The following FGFR2 variants were observed in gnomAD, a reference collection of about 807,000 sequenced individuals.
The protein encoded by FGFR2 is fibroblast growth factor receptor 2, also known as BEK fibroblast growth factor receptor.
FGFR2 carries 19 observed loss-of-function variants against 95.9 expected under a neutral mutation model. The observed-to-expected ratio is 0.20, with a 90% confidence interval of 0.14 to 0.29. The LOEUF (loss-of-function observed/expected upper bound fraction) is 0.29, where lower values mean the gene tolerates loss of function less well. FGFR2 is among the 10% of genes least tolerant of loss of function. The pLI, the probability that FGFR2 is intolerant of heterozygous loss-of-function variation, is 1.00. For missense variants in FGFR2, 707 were observed against 1,056.9 expected, an observed-to-expected ratio of 0.67 and a Z score of 4.59; for synonymous variants, 392 against 393.3, an observed-to-expected ratio of 1.00 and a Z score of 0.04.
intron 15 of FGFR2, 35 bp downstream of exon 15, chr10:121,487,319 C>A (rs774876265): frequency 1.3e-6 from 2 of 1,558,992 alleles, no homozygotes; most frequent in African/African-American, 1.4e-5. Flanking sequence ...GCAGCTCAAG[C>A]CCAGGAAAAA....
At chr10:121,549,170 T>C (rs1025086136) in intron 5 of FGFR2, among the ~76,000 whole-genome samples, 6 of 152,216 alleles carry the variant, frequency 3.9e-5, no homozygotes, top group African/African-American at 1.4e-4. Context: ...TTTTGGCCTC[T>C]AGATGTTAAT....
rs1845354546 is a variant in FGFR2, at chr10:121,485,960, C to G, written c.2058-428G>C. 6.6e-6 allele frequency among the ~76,000 whole-genome samples: 1 copy of G among 152,220 alleles called. No homozygotes were observed. Among genetic ancestry groups the G allele is most frequent in the Admixed American group, 6.5e-5 (1 of 15,286 alleles). ...GCAGGATCACAGCTGCCCTGTGTGGCTGGCGGAACATCTGCTGCACAGAGG... is the reference window on the plus strand; with the variant it reads ...GCAGGATCACAGCTGCCCTGTGTGGGTGGCGGAACATCTGCTGCACAGAGG... On this transcript the variant is annotated intron_variant, in intron 15 of 17. Transcript: ENST00000358487. The surrounding 1 kb of genome is among the most constrained non-coding windows in gnomAD (Gnocchi z 4.2).
rs189053464 is a variant in FGFR2 at position 121,486,239 on chromosome 10, G to A, written c.2058-707C>T. Among the ~76,000 whole-genome samples the A allele has an allele frequency of 1.3e-3, 191 of 152,240 alleles. 2 individuals carry two copies. The highest frequency in any genetic ancestry group is 3.9e-3 in the East Asian group (20 of 5,174). On this transcript the variant is annotated intron_variant, in intron 15 of 17. Coordinates refer to ENST00000358487, the MANE Select transcript of FGFR2 (RefSeq NM_000141.5). ...TCTGGAAACTCAACCTTCTGTACTC[G>A]ATGGTGGTGTTTCACTCCGCAGTTT...
chr10:121,553,656 T>C (rs1453760362), intron 4 of FGFR2, among the ~76,000 whole-genome samples: 2 of 152,220 alleles, frequency 1.3e-5, no homozygotes, highest in African/African-American at 4.8e-5. Context: ...AATAGCCTAT[T>C]CATATGAATT....
At chr10:121,570,362 A>C (rs1490253498) in intron 2 of FGFR2, among the ~76,000 whole-genome samples, 2 of 152,220 alleles carry the variant, frequency 1.3e-5, no homozygotes, top group Non-Finnish European at 2.9e-5. Flanking sequence ...GAGCCAGGAC[A>C]ATCAGAGAAT....
In FGFR2 at chr10:121,485,347, G is replaced by C. The variant is rs370228138; in HGVS notation, c.2195+48C>G. ...AGATACATCAGGAGAGGTATTACTG[G>C]TGTGGCAAGTCCACTGGGGCACCGG... On this transcript the variant is annotated intron_variant, in intron 16 of 17. Transcript: ENST00000358487. The surrounding 1 kb of genome is among the most constrained non-coding windows in gnomAD (Gnocchi z 4.2). The C allele has an allele frequency of 1.2e-6, 2 of 1,612,966 alleles. No individual in the cohort carries two copies. The highest frequency in any genetic ancestry group is 8.5e-7 in the Non-Finnish European group (1 of 1,179,336).
At chr10:121,533,170 C>T (rs1852329052) in intron 6 of FGFR2, among the ~76,000 whole-genome samples, 1 of 152,220 alleles carries the variant, frequency 6.6e-6, no homozygotes, top group African/African-American at 2.4e-5. Flanking sequence ...GGGCGGATCA[C>T]TCCAGGCCAG....
In FGFR2 at chr10:121,531,297, T is replaced by C. The variant is rs1316292454; in HGVS notation, c.748+7295A>G. ...CCCAAAGGCTTCTTGCTGGGGTCAG[T>C]TCTGCGGGAGAGTCTGTATTTGCCA... On this transcript the variant is annotated intron_variant, in intron 6 of 17. Transcript: ENST00000358487. The surrounding 1 kb of genome is among the most constrained non-coding windows in gnomAD (Gnocchi z 4.5). The C allele has an allele frequency of 6.6e-6, 1 of 152,174 alleles. No homozygotes were observed. The highest frequency in any genetic ancestry group is 1.5e-5 in the Non-Finnish European group (1 of 68,034). The allele number at this position is 152,174 out of a possible 1,614,324, so 9.4% of individuals were successfully genotyped here.
At chr10:121,529,496 T>C (rs1391014969) in intron 6 of FGFR2, among the ~76,000 whole-genome samples, 1 of 152,236 alleles carries the variant, frequency 6.6e-6, no homozygotes, top group Non-Finnish European at 1.5e-5. Context: ...AAAGTTCCTT[T>C]TTCTAATAGA....
chr10:121,510,096 G>A (rs1338841041), intron 9 of FGFR2, among the ~76,000 whole-genome samples: 1 of 152,172 alleles, frequency 6.6e-6, no homozygotes, highest in Non-Finnish European at 1.5e-5. Context: ...GGGTGCCTGA[G>A]ATAAACCTTC....
At chr10:121,498,372 A>G (rs1465814421) in intron 12 of FGFR2, 123 bp downstream of exon 12, 5 of 735,194 alleles carry the variant, frequency 6.8e-6, no homozygotes, top group Non-Finnish European at 1.2e-5. Flanking sequence ...GGGGATTTTA[A>G]AAAGAACTTT....
At chr10:121,564,403 ACAGCATGGCGC>A in intron 4 of FGFR2, 88 bp downstream of exon 4, 1 of 1,140,534 alleles carries the variant, frequency 8.8e-7, no homozygotes, top group Non-Finnish European at 1.3e-6. Context: ...GCCGCGGGAC[ACAGCATGGCGC>A]AGAAGAGTCG....
In FGFR2 at chr10:121,498,878, T is replaced by C. The variant is rs74160614; in HGVS notation, c.1562-273A>G. ...TCTGACACTAATGCCAATTCTTTCCTAGACCATGAGATAATCTCATCCTCT... is the reference window on the plus strand; with the variant it reads ...TCTGACACTAATGCCAATTCTTTCCCAGACCATGAGATAATCTCATCCTCT... On this transcript the variant is annotated intron_variant, in intron 11 of 17. Coordinates refer to ENST00000358487, the MANE Select transcript of FGFR2 (RefSeq NM_000141.5). Among the ~76,000 whole-genome samples the C allele has an allele frequency of 2.8e-3, 421 of 152,318 alleles. 1 individual carries two copies. The highest frequency in any genetic ancestry group is 9.8e-3 in the African/African-American group (408 of 41,566).
intron 5 of FGFR2, among the ~76,000 whole-genome samples, chr10:121,539,880 A>G (rs565245123): frequency 5.4e-4 from 82 of 152,332 alleles, no homozygotes; most frequent in African/African-American, 1.9e-3. Context: ...CACTATAAAA[A>G]CAGGAGGGCA....
intron 1 of FGFR2, among the ~76,000 whole-genome samples, chr10:121,594,616 C>A (rs1242992733): frequency 1.3e-5 from 2 of 152,220 alleles, no homozygotes; most frequent in African/African-American, 4.8e-5. Flanking sequence ...TTCCGCCAAG[C>A]AGCCACTTAC....
At chr10:121,577,134 C>CAAAAAAAAA (rs1169487586) in intron 2 of FGFR2, among the ~76,000 whole-genome samples, 4 of 3,952 alleles carry the variant, frequency 1.0e-3, no homozygotes, top group Non-Finnish European at 1.5e-3. Flanking sequence ...GACTCCATCT[C>CAAAAAAAAA]AAAAAAAAAA....
intron 4 of FGFR2, among the ~76,000 whole-genome samples, chr10:121,560,411 G>C (rs533206908): frequency 2.6e-5 from 4 of 151,872 alleles, no homozygotes. Context: ...TCAGGAGATC[G>C]AGACCATTCT....
intron 13 of FGFR2, among the ~76,000 whole-genome samples, chr10:121,491,188 G>A (rs910102323): frequency 1.8e-4 from 27 of 152,266 alleles, no homozygotes; most frequent in African/African-American, 5.8e-4. Flanking sequence ...TCTTCTCAGC[G>A]AAAGCCAGAG....
chr10:121,508,991 A>G (rs942987086), intron 9 of FGFR2, among the ~76,000 whole-genome samples: 9 of 152,234 alleles, frequency 5.9e-5, no homozygotes, highest in African/African-American at 1.4e-4. Context: ...GTGGGACTCC[A>G]TGTTTTACTG....
Sources: allele counts gnomAD v4.1 joint callset (sites outside exome capture counted in the v4.1 genomes callset), GRCh38; gene constraint gnomAD v4.1.1; non-coding constraint Gnocchi (gnomAD v3.1); transcripts MANE v1.5; gene names NCBI Gene and HGNC (gene_info 2026-07-23, HGNC 2026-07-21).